ILDR1: variants seen among roughly 807,000 people sequenced by gnomAD.
ILDR1 encodes the protein immunoglobulin-like domain-containing receptor 1.
A neutral mutation model predicts 62.4 loss-of-function variants in ILDR1; 56 were observed. The observed-to-expected ratio is 0.90, with a 90% CI of 0.72 to 1.12. The LOEUF (loss-of-function observed/expected upper bound fraction) is 1.12, where lower values mean the gene tolerates loss of function less well. Ranked by LOEUF, ILDR1 falls within the 50% of genes most tolerant of loss-of-function variation. The pLI is 0.00. For synonymous variants in ILDR1, 284 were observed against 277.8 expected (o/e 1.02, Z -0.22); for missense variants, 736 against 710.6 (o/e 1.04, Z -0.41).
the ILDR1 span, among the ~76,000 whole-genome samples, chr3:122,045,170 T>C: frequency 1.2e-3 from 174 of 150,862 alleles, no homozygotes; most frequent in African/African-American, 4.2e-3. Context: ...TTCATTTCGT[T>C]ATGTACCCAG....
chr3:122,001,532 G>A, intron 4 of ILDR1, 78 bp from the exon 5 acceptor site: 1 of 1,554,090 alleles, frequency 6.4e-7, no homozygotes, highest in African/African-American at 1.4e-5. Flanking sequence ...TATCCTAGAG[G>A]TCTCATAAAC....
chr3:122,042,795 A>C, the ILDR1 span, among the ~76,000 whole-genome samples: 1 of 151,984 alleles, frequency 6.6e-6, no homozygotes, highest in Non-Finnish European at 1.5e-5. Flanking sequence ...GTCTGAGTTC[A>C]TTGTAGATTC....
At chr3:121,997,606 T>G (rs2071455821) in intron 5 of ILDR1, among the ~76,000 whole-genome samples, 1 of 152,212 alleles carries the variant, frequency 6.6e-6, no homozygotes. Context: ...GGCCCACTGC[T>G]AACAGGCTGT....
the ILDR1 span, among the ~76,000 whole-genome samples, chr3:122,037,256 C>A: frequency 3.3e-5 from 5 of 152,284 alleles, no homozygotes; most frequent in African/African-American, 7.2e-5. Flanking sequence ...GGTAGGCCCA[C>A]CAACAGCTCA....
chr3:122,016,279 C>T (rs534495992), intron 1 of ILDR1, among the ~76,000 whole-genome samples: 2 of 152,356 alleles, frequency 1.3e-5, no homozygotes, highest in South Asian at 2.1e-4. Flanking sequence ...TCTTGTGGTA[C>T]CTTGTATCCT....
At chr3:122,050,555 C>A in the ILDR1 span, among the ~76,000 whole-genome samples, 2 of 146,988 alleles carry the variant, frequency 1.4e-5, no homozygotes, top group African/African-American at 2.5e-5. Flanking sequence ...TCCCCCCCCC[C>A]ACAGTTATGG....
intron 5 of ILDR1, among the ~76,000 whole-genome samples, chr3:121,999,935 T>C (rs917343683): frequency 7.9e-5 from 12 of 152,182 alleles, no homozygotes; most frequent in African/African-American, 2.9e-4. Context: ...ATGTAAAATA[T>C]AGATTTGCTG....
upstream of ILDR1, among the ~76,000 whole-genome samples, chr3:122,026,094 G>A (rs573223420): frequency 2.2e-4 from 34 of 152,192 alleles, no homozygotes; most frequent in Non-Finnish European, 4.0e-4. Context: ...AGGCTGGTGT[G>A]TTAGAGAGCT....
intron 1 of ILDR1, among the ~76,000 whole-genome samples, chr3:122,009,572 T>G (rs1272668481): frequency 2.6e-5 from 4 of 152,196 alleles, no homozygotes; most frequent in Non-Finnish European, 4.4e-5. Flanking sequence ...GCCACATTAG[T>G]GTCAGTATGT....
chr3:122,025,509 C>T (rs1467784099), upstream of ILDR1, among the ~76,000 whole-genome samples: 1 of 152,188 alleles, frequency 6.6e-6, no homozygotes, highest in Admixed American at 6.5e-5. Context: ...CTTCACCACC[C>T]TAGCTGTACA....
intron 5 of ILDR1, among the ~76,000 whole-genome samples, chr3:121,998,137 G>A (rs2071465456): frequency 1.3e-5 from 2 of 152,128 alleles, no homozygotes; most frequent in Admixed American, 1.3e-4. Flanking sequence ...CTTCCTTTCT[G>A]TCTTCAGAGG....
In ILDR1 at chr3:122,007,115, G is replaced by A. The variant is rs781074362; in HGVS notation, c.105C>T (p.Val35=). ...TGAGGATGATAGAGGCAAACAGGGT[G>A]ACATAGCGTTCTGTGTGCTGGACCG... ...LVTVQHTERY[V]TLFASIILKC... Residue 35 remains valine, a synonymous_variant, in exon 2 of 8, where the codon GTC becomes GTT. Coordinates refer to ENST00000344209, the MANE Select transcript of ILDR1 (RefSeq NM_001199799.2). The A allele has an allele frequency of 2.5e-6, 4 of 1,614,200 alleles. No individual in the cohort carries two copies. Among genetic ancestry groups the A allele is most frequent in the Non-Finnish European group, 3.4e-6 (4 of 1,180,030 alleles).
chr3:122,002,551 A>G (rs1450720254), intron 3 of ILDR1, among the ~76,000 whole-genome samples: 1 of 152,164 alleles, frequency 6.6e-6, no homozygotes, highest in Non-Finnish European at 1.5e-5. Flanking sequence ...TCTAGTGGGC[A>G]CTCAGGTTTT....
chr3:122,008,727 G>A (rs1003030562), intron 1 of ILDR1, among the ~76,000 whole-genome samples: 2 of 151,398 alleles, frequency 1.3e-5, no homozygotes, highest in Non-Finnish European at 2.9e-5. Flanking sequence ...CCAAGTAGCT[G>A]GGATCACAGG....
chr3:122,016,676 T>C (rs2071781523), intron 1 of ILDR1, among the ~76,000 whole-genome samples: 2 of 152,218 alleles, frequency 1.3e-5, no homozygotes, highest in African/African-American at 2.4e-5. Context: ...AACAAAGAGC[T>C]TTAGCCCAGT....
chr3:122,057,953 A>T, the ILDR1 span, among the ~76,000 whole-genome samples: 1 of 152,210 alleles, frequency 6.6e-6, no homozygotes, highest in South Asian at 2.1e-4. Context: ...GGGTTTGAAT[A>T]CCAGTTCCCC....
intron 5 of ILDR1, among the ~76,000 whole-genome samples, chr3:121,994,736 CAG>C (rs1394639211): frequency 1.3e-5 from 2 of 152,218 alleles, no homozygotes; most frequent in Non-Finnish European, 2.9e-5. Flanking sequence ...TGCTGTGAGT[CAG>C]GGGCTGGGGG....
chr3:122,046,916 G>A, the ILDR1 span, among the ~76,000 whole-genome samples: 1 of 143,628 alleles, frequency 7.0e-6, no homozygotes, highest in Non-Finnish European at 1.5e-5. Context: ...TTTTCTCTCA[G>A]CTCGTCAAAG....
intron 5 of ILDR1, among the ~76,000 whole-genome samples, chr3:122,000,923 T>G (rs1031086882): frequency 1.3e-5 from 2 of 152,228 alleles, no homozygotes; most frequent in African/African-American, 4.8e-5. Context: ...CAGTTTTGTT[T>G]TCCTTTACAA....
Sources: gnomAD v4.1 joint callset for allele counts (sites outside exome capture counted in the v4.1 genomes callset) on GRCh38, gnomAD v4.1.1 for gene constraint, MANE v1.5 for transcripts, NCBI Gene and HGNC (gene_info 2026-07-23, HGNC 2026-07-21) for gene names.